ASXL3: variants seen among roughly 807,000 people sequenced by gnomAD.
ASXL3 encodes the protein putative Polycomb group protein ASXL3.
Under a neutral mutation model 170.6 loss-of-function variants are expected in ASXL3, and 34 were observed. The ratio of observed to expected loss-of-function variants is 0.20; its 90% CI spans 0.15 to 0.27. The LOEUF (loss-of-function observed/expected upper bound fraction) is 0.27, where lower values mean the gene tolerates loss of function less well. ASXL3 is among the 10% of genes least tolerant of loss of function. The probability of loss-of-function intolerance (pLI) is 1.00; values close to 1 mark genes in which losing one functional copy is unlikely to be tolerated. For synonymous variants in ASXL3, 1,002 were observed against 989.1 expected, an observed-to-expected ratio of 1.01 and a Z score of -0.24; for missense variants, 2,592 against 2,695.3, an observed-to-expected ratio of 0.96 and a Z score of 0.85.
chr18:33,674,030 G>A (rs1034917030), intron 7 of ASXL3, among the ~76,000 whole-genome samples: 6 of 152,140 alleles, frequency 3.9e-5, no homozygotes, highest in African/African-American at 9.7e-5. Flanking sequence ...CATAAGTTAT[G>A]TCTTTTAATT....
intron 7 of ASXL3, among the ~76,000 whole-genome samples, chr18:33,673,866 A>C (rs2145261492): frequency 6.6e-6 from 1 of 152,318 alleles, no homozygotes; most frequent in African/African-American, 2.4e-5. Context: ...TTGTTAGCAA[A>C]TTAAAAGATA....
chr18:33,689,174 A>G (rs555968847), intron 8 of ASXL3, among the ~76,000 whole-genome samples: 5 of 152,120 alleles, frequency 3.3e-5, no homozygotes, highest in East Asian at 1.9e-4. Flanking sequence ...TTATATTTTT[A>G]GTAGAGATGG....
chr18:33,693,371 TAAGA>T (rs1243796093), intron 8 of ASXL3, among the ~76,000 whole-genome samples: 3 of 151,994 alleles, frequency 2.0e-5, no homozygotes, highest in Non-Finnish European at 4.4e-5. Flanking sequence ...TTAGAATACA[TAAGA>T]AAGAATTGAC....
chr18:33,691,763 G>T (rs1311716928), intron 8 of ASXL3, among the ~76,000 whole-genome samples: 1 of 152,164 alleles, frequency 6.6e-6, no homozygotes, highest in Non-Finnish European at 1.5e-5. Flanking sequence ...GAGAAGGCTT[G>T]AAAGGGGAGG....
At chr18:33,628,497 T>C (rs2065632595) in intron 2 of ASXL3, among the ~76,000 whole-genome samples, 1 of 152,168 alleles carries the variant, frequency 6.6e-6, no homozygotes, top group Admixed American at 6.6e-5. Flanking sequence ...AGGAACAATT[T>C]TAAGATTATC....
At chr18:33,608,517 A>G (rs1296501745) in intron 2 of ASXL3, among the ~76,000 whole-genome samples, 1 of 151,938 alleles carries the variant, frequency 6.6e-6, no homozygotes, top group Admixed American at 6.6e-5. Flanking sequence ...TTGGGTATTA[A>G]TTTTATGGTT....
rs2066547039 is a variant in ASXL3, at chr18:33,683,533, T to C, written c.844T>C (p.Tyr282His). 1 of 1,613,312 alleles carries C rather than the reference T, an allele frequency of 6.2e-7. No individual in the cohort carries two copies. The highest frequency in any genetic ancestry group is 1.3e-5 in the African/African-American group (1 of 74,916). ...FASLPQHFQQ[Y>H]LLLLLPEVDR... ...TTCCTTACCTCAGCATTTTCAACAATACCTCCTGCTTTTGCTCCCAGAAGT... is the reference window on the plus strand; with the variant it reads ...TTCCTTACCTCAGCATTTTCAACAACACCTCCTGCTTTTGCTCCCAGAAGT... Residue 282 changes from tyrosine (Y) to histidine (H), a missense_variant, in exon 8 of 12, where the codon TAC becomes CAC. Coordinates refer to ENST00000269197, the MANE Select transcript of ASXL3 (RefSeq NM_030632.3).
chr18:33,657,930 T>C (rs1052164139), intron 4 of ASXL3, among the ~76,000 whole-genome samples: 3 of 152,146 alleles, frequency 2.0e-5, no homozygotes, highest in African/African-American at 7.2e-5. Context: ...TCATTTTGTT[T>C]CCTCATCTTC....
At chr18:33,605,791 TC>T (rs905687479) in intron 1 of ASXL3, 8 of 152,318 alleles carry the variant, frequency 5.3e-5, no homozygotes, top group African/African-American at 1.9e-4. Flanking sequence ...TCAATTTTCC[TC>T]CTTTCTCACC....
At chr18:33,680,982 G>A (rs887077452) in intron 7 of ASXL3, among the ~76,000 whole-genome samples, 2 of 151,192 alleles carry the variant, frequency 1.3e-5, no homozygotes, top group African/African-American at 4.9e-5. Context: ...CTCCTTTTGT[G>A]CCTTCCTTTT....
At chr18:33,701,351 A>G (rs1178736397) in intron 8 of ASXL3, among the ~76,000 whole-genome samples, 1 of 152,048 alleles carries the variant, frequency 6.6e-6, no homozygotes, top group Non-Finnish European at 1.5e-5. Flanking sequence ...TTTGATAGGA[A>G]TTGCTTTGAA....
chr18:33,607,779 T>A, intron 2 of ASXL3, 103 bp downstream of exon 2: 3 of 846,430 alleles, frequency 3.5e-6, no homozygotes, highest in African/African-American at 1.7e-5. Flanking sequence ...TAGTTGATTG[T>A]GAATTAACTC....
chr18:33,690,787 G>C (rs1438741964), intron 8 of ASXL3, among the ~76,000 whole-genome samples: 1 of 152,138 alleles, frequency 6.6e-6, no homozygotes, highest in East Asian at 1.9e-4. Context: ...TTGCCATGTG[G>C]ATGGTCTCCT....
rs1049869871 is a variant in ASXL3, at chr18:33,745,248, C to G, written c.5400C>G (p.Pro1800=). 6.2e-7 allele frequency: 1 copy of G among 1,613,898 alleles called. No homozygotes were observed. Among genetic ancestry groups the G allele is most frequent in the East Asian group, 2.2e-5 (1 of 44,880 alleles). The change falls in exon 12 of 12, where the codon CCC becomes CCG. Residue 1800 remains proline, a synonymous_variant. Coordinates refer to ENST00000269197, the MANE Select transcript of ASXL3 (RefSeq NM_030632.3). Reference sequence around the variant, plus strand: ...CAGAGAGAAACGTTGAAATTCCGCCCAGCTCTCCAAATCCAGATGGTAAGG... The same window carrying G: ...CAGAGAGAAACGTTGAAATTCCGCCGAGCTCTCCAAATCCAGATGGTAAGG... The part of the protein sequence containing the change: ...TAPERNVEIP[P]SSPNPDGKGY...
rs958245655 is a variant in ASXL3, at chr18:33,670,264, G to A, written c.478-409G>A. 2.0e-5 allele frequency among the ~76,000 whole-genome samples: 3 copies of A among 152,202 alleles called. No individual in the cohort carries two copies. In the East Asian group the frequency reaches 5.8e-4, roughly 29 times the overall value. The stretch of plus-strand genomic sequence containing the variant: ...TCAGTGTTAACTTGATTGACTGAGC[G>A]GTACGCTGGAGAGGACGCACCTGCG... On this transcript the variant is annotated intron_variant, in intron 5 of 11. Transcript: ENST00000269197.
intron 4 of ASXL3, among the ~76,000 whole-genome samples, chr18:33,654,703 GC>G (rs60350570): frequency 0.46 from 69,077 of 151,402 alleles, 16,487 homozygotes; most frequent in East Asian, 0.79. Flanking sequence ...AAATAAATAA[GC>G]CTCTGATGTC....
At chr18:33,697,709 A>G (rs2066794826) in intron 8 of ASXL3, among the ~76,000 whole-genome samples, 1 of 151,988 alleles carries the variant, frequency 6.6e-6, no homozygotes, top group Non-Finnish European at 1.5e-5. Flanking sequence ...CAGCTGATCA[A>G]CATTCAGCTG....
rs559271845 is a variant in ASXL3, at chr18:33,749,435, T to C, written c.*2840T>C. 8.6e-5 allele frequency: 13 copies of C among 151,742 alleles called. No homozygotes were observed. The highest frequency in any genetic ancestry group is 2.6e-4 in the Admixed American group (4 of 15,232). 9.4% of individuals were successfully genotyped at this position (151,742 alleles called of 1,614,324 possible). A position where few individuals can be genotyped will look rare whatever the true frequency, so the allele number is the denominator to read the frequency against. On this transcript the variant is annotated 3_prime_UTR_variant, in exon 12 of 12. Coordinates refer to ENST00000269197, the MANE Select transcript of ASXL3 (RefSeq NM_030632.3). ...AGGAATAGAACTTGCACATGTACCA[T>C]ACAATTTTTTTTTTTTTAATCACAA...
intron 2 of ASXL3, among the ~76,000 whole-genome samples, chr18:33,611,608 A>C (rs1022311030): frequency 6.6e-6 from 1 of 152,050 alleles, no homozygotes; most frequent in African/African-American, 2.4e-5. Flanking sequence ...TAAAATGTGA[A>C]TATTCCAGTC....
Sources: gnomAD v4.1 joint callset for allele counts (sites outside exome capture counted in the v4.1 genomes callset) on GRCh38, gnomAD v4.1.1 for gene constraint, MANE v1.5 for transcripts, NCBI Gene and HGNC (gene_info 2026-07-23, HGNC 2026-07-21) for gene names.